The following SH3BGRL variants were observed in gnomAD, a reference collection of about 807,000 sequenced individuals.
SH3BGRL encodes the protein SH3 domain binding glutamate rich protein like.
SH3BGRL carries 7 observed loss-of-function variants against 9.8 expected under a neutral mutation model. The ratio of observed to expected loss-of-function variants is 0.72; its 90% CI spans 0.41 to 1.35. The LOEUF (loss-of-function observed/expected upper bound fraction) is 1.35, where lower values mean the gene tolerates loss of function less well. SH3BGRL is among the 40% of genes most tolerant of loss of function. The pLI, the probability that SH3BGRL is intolerant of heterozygous loss-of-function variation, is 0.01. For missense variants in SH3BGRL, 73 were observed against 84.4 expected, an observed-to-expected ratio of 0.86 and a Z score of 0.53; for synonymous variants, 36 against 29.1, an observed-to-expected ratio of 1.24 and a Z score of -0.76.
intron 1 of SH3BGRL, among the ~76,000 whole-genome samples, chrX:81,217,325 G>A (rs1482132065): frequency 9.3e-6 from 1 of 107,412 alleles, no homozygotes; most frequent in African/African-American, 3.4e-5. Context: ...TTTGGATTTT[G>A]TTTCTCTAGT....
At chrX:81,213,170 T>A (rs1299401732) in intron 1 of SH3BGRL, among the ~76,000 whole-genome samples, 2 of 111,786 alleles carry the variant, frequency 1.8e-5, no homozygotes, top group Non-Finnish European at 3.8e-5. Context: ...AAAATGAAAT[T>A]TGAAACCTTG....
chrX:81,219,728 T>C (rs1569357987), intron 1 of SH3BGRL, among the ~76,000 whole-genome samples: 1 of 111,587 alleles, frequency 9.0e-6, no homozygotes, highest in Non-Finnish European at 1.9e-5. Flanking sequence ...TCAGTTTTTT[T>C]CCCATTAAGT....
At chrX:81,209,925 A>T (rs965605408) in intron 1 of SH3BGRL, among the ~76,000 whole-genome samples, 1 of 111,646 alleles carries the variant, frequency 9.0e-6, no homozygotes, top group African/African-American at 3.3e-5. Context: ...TTTATGACTG[A>T]TTCTCTTGCA....
At position 81,277,162 on chromosome X, in the gene SH3BGRL, A is replaced by G; in HGVS notation, c.224A>G (p.Tyr75Cys). 8.3e-7 allele frequency: 1 copy of G among 1,204,880 alleles called. No individual in the cohort carries two copies. The highest frequency in any genetic ancestry group is 1.1e-6 in the Non-Finnish European group (1 of 891,804). ...LPPQIFNESQYRGDYDAFFEA... is the reference protein window; with the variant it reads ...LPPQIFNESQCRGDYDAFFEA... The stretch of plus-strand genomic sequence containing the variant: ...CCTCAGATTTTCAATGAAAGCCAGT[A>G]TCGCGGGGTAAGAAAACAATTTAAA... The change falls in exon 2 of 4, where the codon TAT becomes TGT. Residue 75 changes from tyrosine to cysteine, a missense_variant. Tyr to Cys is a radical substitution (Grantham distance 194). Coordinates refer to ENST00000373212, the MANE Select transcript of SH3BGRL (RefSeq NM_003022.3).
At chrX:81,269,090 T>A in intron 1 of SH3BGRL, among the ~76,000 whole-genome samples, 1 of 111,644 alleles carries the variant, frequency 9.0e-6, no homozygotes, top group Middle Eastern at 4.7e-3. Flanking sequence ...TCTATCCCTT[T>A]ATTTTGGGCC....
Position 81,268,182 on chromosome X carries a change from T to A in SH3BGRL, c.46-8802T>A, listed in dbSNP as rs377502249. On this transcript the variant is annotated intron_variant, in intron 1 of 3. Coordinates refer to ENST00000373212, the MANE Select transcript of SH3BGRL (RefSeq NM_003022.3). ...AAAAACCAGCTCCTGGATCCACTAA[T>A]TTTTTTTTGAAGGGTTTTTTTTGTG... Among the ~76,000 whole-genome samples, 231 of 110,467 alleles carry A rather than the reference T, an allele frequency of 2.1e-3. 1 individual carries two copies. Among genetic ancestry groups the A allele is most frequent in the Non-Finnish European group, 3.7e-3 (197 of 52,677 alleles).
intron 1 of SH3BGRL, among the ~76,000 whole-genome samples, chrX:81,240,126 A>G (rs1321819575): frequency 8.9e-6 from 1 of 112,251 alleles, no homozygotes; most frequent in Non-Finnish European, 1.9e-5. Context: ...ACAGATTATT[A>G]TATCACTGTA....
intron 1 of SH3BGRL, among the ~76,000 whole-genome samples, chrX:81,256,615 C>G: frequency 8.9e-6 from 1 of 111,951 alleles, no homozygotes; most frequent in Non-Finnish European, 1.9e-5. Flanking sequence ...TATCTTGTTT[C>G]TCAGAGCCCC....
intron 1 of SH3BGRL, among the ~76,000 whole-genome samples, chrX:81,214,488 A>G (rs942569385): frequency 1.8e-5 from 2 of 111,947 alleles, no homozygotes; most frequent in Non-Finnish European, 3.8e-5. Flanking sequence ...CTGTTTTCCC[A>G]GCCTAGATTT....
chrX:81,283,478 A>G (rs1380860550), intron 3 of SH3BGRL, among the ~76,000 whole-genome samples: 1 of 112,017 alleles, frequency 8.9e-6, no homozygotes, highest in Non-Finnish European at 1.9e-5. Flanking sequence ...CCATGATCAA[A>G]TGGGTTTCAT....
At chrX:81,285,643 T>C (rs1029470540) in intron 3 of SH3BGRL, among the ~76,000 whole-genome samples, 1 of 112,136 alleles carries the variant, frequency 8.9e-6, no homozygotes, top group Non-Finnish European at 1.9e-5. Context: ...ATGGACTTTA[T>C]GGATAAAATA....
chrX:81,237,406 G>T (rs905941776), intron 1 of SH3BGRL: 4 of 259,684 alleles, frequency 1.5e-5, no homozygotes, highest in African/African-American at 8.6e-5. Flanking sequence ...CAGTTGCATG[G>T]TGCAGAGAGC....
chrX:81,286,999 A>T (rs186938956), intron 3 of SH3BGRL, among the ~76,000 whole-genome samples: 323 of 111,656 alleles, frequency 2.9e-3, no homozygotes, highest in Non-Finnish European at 5.1e-3. Flanking sequence ...TTTGTTCTGG[A>T]TTTCTATGCC....
intron 1 of SH3BGRL, among the ~76,000 whole-genome samples, chrX:81,243,280 G>T (rs1226812529): frequency 8.9e-6 from 1 of 112,037 alleles, no homozygotes; most frequent in Non-Finnish European, 1.9e-5. Context: ...AAATAAATCA[G>T]GCGCAATAAG....
In SH3BGRL at chrX:81,228,223, C is replaced by G. The variant is rs2075622868; in HGVS notation, c.45+25978C>G. ...ATGTGCCCATGTTGGTGGTTGGACT[C>G]CAGCTTGGTTTTATATATTTTAGGT... is the stretch of plus-strand genomic sequence containing the variant. On this transcript the variant is annotated intron_variant, in intron 1 of 3. Coordinates refer to ENST00000373212, the MANE Select transcript of SH3BGRL (RefSeq NM_003022.3). Among the ~76,000 whole-genome samples the G allele has an allele frequency of 4.5e-5, 5 of 111,611 alleles. No homozygotes were observed. The Admixed American group carries it at 4.8e-4, about 11-fold the overall frequency.
chrX:81,241,309 A>T (rs2089515116), intron 1 of SH3BGRL, among the ~76,000 whole-genome samples: 1 of 112,207 alleles, frequency 8.9e-6, no homozygotes, highest in East Asian at 2.8e-4. Context: ...GGTGCCATGG[A>T]TGGCAGAAGG....
chrX:81,294,668 G>T (rs1208355732), intron 3 of SH3BGRL, among the ~76,000 whole-genome samples: 1 of 111,282 alleles, frequency 9.0e-6, no homozygotes, highest in Admixed American at 9.6e-5. Flanking sequence ...CCGCCTAGTA[G>T]AGCTGTGAGA....
intron 1 of SH3BGRL, among the ~76,000 whole-genome samples, chrX:81,273,533 T>A (rs1176059024): frequency 8.9e-6 from 1 of 111,789 alleles, no homozygotes; most frequent in East Asian, 2.8e-4. Context: ...GACAATCATT[T>A]TATATTTTAG....
intron 1 of SH3BGRL, chrX:81,237,299 T>C: frequency 3.0e-6 from 1 of 328,479 alleles, no homozygotes; most frequent in South Asian, 2.7e-5. Flanking sequence ...TCATAGTACC[T>C]GGTTTTAACA....
Sources: allele counts gnomAD v4.1 joint callset (sites outside exome capture counted in the v4.1 genomes callset), GRCh38; gene constraint gnomAD v4.1.1; transcripts MANE v1.5; gene names NCBI Gene and HGNC (gene_info 2026-07-23, HGNC 2026-07-21).